POFUT1: variants seen among roughly 807,000 people sequenced by gnomAD.
POFUT1 encodes protein O-fucosyltransferase 1, also known as GDP-fucose protein O-fucosyltransferase 1.
POFUT1 carries 16 observed loss-of-function variants against 42.4 expected under a neutral mutation model. The ratio of observed to expected loss-of-function variants is 0.38; its 90% CI spans 0.26 to 0.57. The LOEUF is 0.57. Among genes scored for constraint, POFUT1 ranks in the 20% least tolerant of loss-of-function variants. The probability of loss-of-function intolerance (pLI) is 0.71; values close to 1 mark genes in which losing one functional copy is unlikely to be tolerated. For missense variants in POFUT1, 470 were observed against 504.6 expected (o/e 0.93, Z 0.66); for synonymous variants, 206 against 205.4 (o/e 1.00, Z -0.03).
intron 6 of POFUT1, among the ~76,000 whole-genome samples, chr20:32,233,160 T>C (rs1454785345): frequency 6.6e-6 from 1 of 152,182 alleles, no homozygotes; most frequent in East Asian, 1.9e-4. Flanking sequence ...GGGCAGGAGA[T>C]GATGCTAATC....
intron 4 of POFUT1, chr20:32,217,690 T>G (rs2047369718): frequency 1.0e-6 from 1 of 985,392 alleles, no homozygotes. Flanking sequence ...ATGAAGTGCA[T>G]GTCATACACT....
rs2047462516 is a variant in POFUT1, at chr20:32,234,961, G to C, written c.*300G>C. 3.3e-6 allele frequency: 1 copy of C among 303,290 alleles called. No individual in the cohort carries two copies. The highest frequency in any genetic ancestry group is 4.6e-5 in the Admixed American group (1 of 21,516). 18.8% of individuals were successfully genotyped at this position (303,290 alleles called of 1,614,324 possible). On this transcript the variant is annotated 3_prime_UTR_variant, in exon 7 of 7. Coordinates refer to ENST00000375749, the MANE Select transcript of POFUT1 (RefSeq NM_015352.2). ...CGTCTTCTGGTCCACTCTGCTCTGA[G>C]CAGCCTGGGATGCTGAACTCTTCAG...
chr20:32,227,423 G>A (rs1220074104), intron 4 of POFUT1, among the ~76,000 whole-genome samples: 1 of 152,196 alleles, frequency 6.6e-6, no homozygotes, highest in East Asian at 1.9e-4. Context: ...AGGAGGCTGA[G>A]ATGGGAAGGT....
At chr20:32,227,353 C>G (rs926094132) in intron 4 of POFUT1, among the ~76,000 whole-genome samples, 1 of 151,656 alleles carries the variant, frequency 6.6e-6, no homozygotes. Flanking sequence ...CCCGTCTCTA[C>G]AAAAAAAATG....
intron 4 of POFUT1, among the ~76,000 whole-genome samples, chr20:32,226,364 A>G (rs1013560080): frequency 6.6e-6 from 1 of 152,158 alleles, no homozygotes; most frequent in Non-Finnish European, 1.5e-5. Flanking sequence ...ACTATAGTAC[A>G]GTATCACAAC....
At chr20:32,222,876 C>T (rs2047397752) in intron 4 of POFUT1, 7 of 985,310 alleles carry the variant, frequency 7.1e-6, no homozygotes, top group Non-Finnish European at 8.4e-6. Context: ...TGTCATTCTC[C>T]CAGGCTGCCA....
chr20:32,228,128 C>T (rs891902406), intron 4 of POFUT1, 135 bp from the exon 5 acceptor site: 2 of 607,144 alleles, frequency 3.3e-6, no homozygotes, highest in Non-Finnish European at 5.6e-6. Flanking sequence ...CACAACCTCT[C>T]GTGTTTCTTG....
chr20:32,228,694 CTG>C (rs935995593), intron 5 of POFUT1, among the ~76,000 whole-genome samples: 1 of 152,222 alleles, frequency 6.6e-6, no homozygotes, highest in African/African-American at 2.4e-5. Flanking sequence ...GATGGATAAA[CTG>C]AGAGATCAAG....
chr20:32,234,723 A>T lies in POFUT1; in HGVS notation c.*62A>T. The T allele has an allele frequency of 2.1e-6, 3 of 1,447,898 alleles. No individual in the cohort carries two copies. The highest frequency in any genetic ancestry group is 2.8e-6 in the Non-Finnish European group (3 of 1,073,902). 89.7% of individuals were successfully genotyped at this position (1,447,898 alleles called of 1,614,324 possible). ...GACCAGAGTCTGAGCTGGTCCTTCC[A>T]GCCAGGCCTGGCAGCCAGAGGTGCT... On this transcript the variant is annotated 3_prime_UTR_variant, in exon 7 of 7. Coordinates refer to ENST00000375749, the MANE Select transcript of POFUT1 (RefSeq NM_015352.2).
chr20:32,208,817 CAG>C (rs1000815784), intron 1 of POFUT1, among the ~76,000 whole-genome samples: 3 of 152,080 alleles, frequency 2.0e-5, no homozygotes, highest in Admixed American at 6.5e-5. Flanking sequence ...GCCTGGGTGA[CAG>C]AGTGAGACCC....
At chr20:32,214,322 G>A (rs183497383) in intron 2 of POFUT1, among the ~76,000 whole-genome samples, 3 of 151,894 alleles carry the variant, frequency 2.0e-5, no homozygotes, top group Non-Finnish European at 2.9e-5. Flanking sequence ...ACAGGGTCTC[G>A]CTATGTTGTC....
chr20:32,211,776 T>A (rs1238664011), intron 2 of POFUT1, among the ~76,000 whole-genome samples: 1 of 152,178 alleles, frequency 6.6e-6, no homozygotes, highest in Non-Finnish European at 1.5e-5. Context: ...TGGCAGGGGT[T>A]ATTTCCCAGT....
In POFUT1 at chr20:32,210,053, G is replaced by A. The variant is rs769551690; in HGVS notation, c.125-18G>A. Reference sequence around the variant, plus strand: ...CCATGCCCCAGGCCTCACCTCACCCGCAATGTACCATTTCCAGGGCGCTTT... The same window carrying A: ...CCATGCCCCAGGCCTCACCTCACCCACAATGTACCATTTCCAGGGCGCTTT... On this transcript the variant is annotated intron_variant, in intron 1 of 6. Transcript: ENST00000375749. 7.8e-5 allele frequency: 126 copies of A among 1,613,574 alleles called. 1 individual carries two copies. Among genetic ancestry groups the A allele is most frequent in the Non-Finnish European group, 1.0e-4 (119 of 1,179,912 alleles).
intron 2 of POFUT1, among the ~76,000 whole-genome samples, chr20:32,214,119 T>A (rs1214353769): frequency 2.0e-5 from 3 of 151,614 alleles, no homozygotes; most frequent in Non-Finnish European, 4.4e-5. Flanking sequence ...GGAAGGTACA[T>A]TAAAAAAAAA....
At chr20:32,220,168 A>G (rs530211558) in intron 4 of POFUT1, among the ~76,000 whole-genome samples, 1 of 152,228 alleles carries the variant, frequency 6.6e-6, no homozygotes, top group Non-Finnish European at 1.5e-5. Flanking sequence ...AGGCTGAATA[A>G]TAGTTCATCG....
chr20:32,234,370 T>G, intron 6 of POFUT1, 103 bp from the exon 7 acceptor site: 24 of 1,066,360 alleles, frequency 2.3e-5, no homozygotes, highest in South Asian at 3.2e-5. Context: ...TGCCCCTCCT[T>G]TTGTGTCTGT....
At chr20:32,224,882 A>G (rs2047407116) in intron 4 of POFUT1, among the ~76,000 whole-genome samples, 1 of 152,248 alleles carries the variant, frequency 6.6e-6, no homozygotes, top group African/African-American at 2.4e-5. Flanking sequence ...CACATGATCC[A>G]CATGATCAAC....
chr20:32,228,145 G>A, intron 4 of POFUT1, 118 bp from the exon 5 acceptor site: 4 of 696,964 alleles, frequency 5.7e-6, no homozygotes, highest in Non-Finnish European at 9.3e-6. Context: ...CTTGCGTGTT[G>A]CAGGGGCCCC....
At chr20:32,217,323 A>G (rs1435905066) in intron 4 of POFUT1, 3 of 1,290,930 alleles carry the variant, frequency 2.3e-6, no homozygotes, top group Non-Finnish European at 3.0e-6. Context: ...AATAATCAGC[A>G]TAGTGTACTT....
Sources: allele counts gnomAD v4.1 joint callset (sites outside exome capture counted in the v4.1 genomes callset), GRCh38; gene constraint gnomAD v4.1.1; transcripts MANE v1.5; gene names NCBI Gene and HGNC (gene_info 2026-07-23, HGNC 2026-07-21).